Variants in MSRB3 observed in about 807,000 individuals in gnomAD.
The protein encoded by MSRB3 is methionine-R-sulfoxide reductase B3.
A neutral mutation model predicts 21.0 loss-of-function variants in MSRB3; 13 were observed. That is an observed-to-expected ratio of 0.62 (90% CI 0.40 to 0.98). MSRB3 has a LOEUF of 0.98. Among genes scored for constraint, MSRB3 ranks in the 50% least tolerant of loss-of-function variants. MSRB3 has a pLI of 0.00. For missense variants in MSRB3, 199 were observed against 230.3 expected (o/e 0.86, Z 0.88); for synonymous variants, 87 against 88.6 (o/e 0.98, Z 0.10).
chr12:65,353,930 A>G (rs892897520), intron 4 of MSRB3, among the ~76,000 whole-genome samples: 1 of 151,934 alleles, frequency 6.6e-6, no homozygotes, highest in African/African-American at 2.4e-5. Context: ...GGTGGTGACA[A>G]AATCTCTCAG....
intron 5 of MSRB3, among the ~76,000 whole-genome samples, chr12:65,398,873 C>A (rs1163234427): frequency 1.3e-5 from 2 of 152,104 alleles, no homozygotes; most frequent in Admixed American, 1.3e-4. Context: ...AGTCTGTTCC[C>A]CATTGCTTGT....
chr12:65,361,614 T>G (rs935432467), intron 4 of MSRB3, among the ~76,000 whole-genome samples: 2 of 152,184 alleles, frequency 1.3e-5, no homozygotes, highest in South Asian at 2.1e-4. Flanking sequence ...TATTAATGTT[T>G]TGTAATGAAT....
intron 1 of MSRB3, among the ~76,000 whole-genome samples, chr12:65,296,928 G>T (rs893917111): frequency 3.3e-5 from 5 of 152,162 alleles, no homozygotes; most frequent in East Asian, 1.9e-4. Context: ...TGAAAGAAAT[G>T]ATATCTAAAT....
At chr12:65,443,698 T>C (rs1882488898) in intron 5 of MSRB3, among the ~76,000 whole-genome samples, 1 of 152,018 alleles carries the variant, frequency 6.6e-6, no homozygotes, top group South Asian at 2.1e-4. Flanking sequence ...TTTATTGTGG[T>C]GAAATACACA....
chr12:65,319,274 C>G (rs778896084), intron 2 of MSRB3, among the ~76,000 whole-genome samples: 3 of 152,062 alleles, frequency 2.0e-5, no homozygotes, highest in Non-Finnish European at 2.9e-5. Flanking sequence ...AGCTGCTACT[C>G]TTACATGAAA....
At chr12:65,377,721 C>T (rs1311886438) in intron 5 of MSRB3, among the ~76,000 whole-genome samples, 1 of 152,138 alleles carries the variant, frequency 6.6e-6, no homozygotes, top group African/African-American at 2.4e-5. Context: ...TTATTCTCCC[C>T]TTTTATAGTG....
intron 5 of MSRB3, among the ~76,000 whole-genome samples, chr12:65,411,139 C>A (rs548732015): frequency 7.9e-5 from 12 of 152,144 alleles, no homozygotes; most frequent in African/African-American, 1.7e-4. Context: ...TCAGTGTATA[C>A]TTTAACTAAG....
intron 2 of MSRB3, 154 bp downstream of exon 2, chr12:65,308,809 A>G (rs973145338): frequency 1.1e-6 from 1 of 908,140 alleles, no homozygotes; most frequent in Non-Finnish European, 1.7e-6. Flanking sequence ...TCACCACTCT[A>G]CTTTGAGTAA....
rs1327114961 is a variant in MSRB3, at chr12:65,465,417, C to T, written c.*2095C>T. Reference sequence around the variant, plus strand: ...AAGTTTATGAAGACTGACAGCTTTCCTTGTAAGCACTAAGAGAAAAAAAAG... The same window carrying T: ...AAGTTTATGAAGACTGACAGCTTTCTTTGTAAGCACTAAGAGAAAAAAAAG... On this transcript the variant is annotated 3_prime_UTR_variant, in exon 7 of 7. Transcript: ENST00000308259. The T allele has an allele frequency of 2.0e-5, 3 of 152,050 alleles. No individual in the cohort carries two copies. Among genetic ancestry groups the T allele is most frequent in the Non-Finnish European group, 4.4e-5 (3 of 68,004 alleles). 9.4% of individuals were successfully genotyped at this position (152,050 alleles called of 1,614,324 possible).
At chr12:65,403,699 C>A (rs1479187353) in intron 5 of MSRB3, among the ~76,000 whole-genome samples, 1 of 152,162 alleles carries the variant, frequency 6.6e-6, no homozygotes, top group Non-Finnish European at 1.5e-5. Context: ...AAATGGCCAC[C>A]CAGTTTTGTG....
At chr12:65,436,143 G>A (rs1022285836) in intron 5 of MSRB3, among the ~76,000 whole-genome samples, 1 of 151,606 alleles carries the variant, frequency 6.6e-6, no homozygotes, top group African/African-American at 2.4e-5. Flanking sequence ...CATGAATTTC[G>A]ATGGGAAAAA....
intron 2 of MSRB3, among the ~76,000 whole-genome samples, chr12:65,324,905 C>T (rs1274623136): frequency 2.0e-5 from 3 of 152,068 alleles, no homozygotes; most frequent in Admixed American, 6.6e-5. Context: ...TATGAATGAA[C>T]GTATATTAAC....
At chr12:65,334,225 A>G (rs1875615827) in intron 4 of MSRB3, among the ~76,000 whole-genome samples, 2 of 152,210 alleles carry the variant, frequency 1.3e-5, no homozygotes, top group African/African-American at 4.8e-5. Flanking sequence ...TAATAATGCT[A>G]AAACAATAGC....
intron 6 of MSRB3, among the ~76,000 whole-genome samples, chr12:65,460,359 G>C (rs1883267873): frequency 6.6e-6 from 1 of 152,188 alleles, no homozygotes; most frequent in Non-Finnish European, 1.5e-5. Flanking sequence ...AGCCTTCAAG[G>C]CTTGTGCGCT....
At chr12:65,363,858 TG>T in intron 4 of MSRB3, among the ~76,000 whole-genome samples, 1 of 152,178 alleles carries the variant, frequency 6.6e-6, no homozygotes, top group Middle Eastern at 3.4e-3. Flanking sequence ...TGATGGCACA[TG>T]TCTGTAATCC....
intron 3 of MSRB3, among the ~76,000 whole-genome samples, chr12:65,328,195 T>C (rs866774445): frequency 6.6e-6 from 1 of 152,134 alleles, no homozygotes; most frequent in African/African-American, 2.4e-5. Flanking sequence ...TTGCACACTG[T>C]AAAGTAGCAA....
At chr12:65,448,484 T>C (rs539202687) in intron 5 of MSRB3, among the ~76,000 whole-genome samples, 10 of 152,326 alleles carry the variant, frequency 6.6e-5, no homozygotes, top group African/African-American at 9.6e-5. Flanking sequence ...GTATAAGTAC[T>C]AAATCTTAAT....
At chr12:65,396,736 G>GAA (rs1162567965) in intron 5 of MSRB3, among the ~76,000 whole-genome samples, 1 of 147,944 alleles carries the variant, frequency 6.8e-6, no homozygotes, top group African/African-American at 2.6e-5. Flanking sequence ...AAGAAAGAAA[G>GAA]AAAGAAAGAA....
intron 5 of MSRB3, among the ~76,000 whole-genome samples, chr12:65,423,118 A>G (rs1397590010): frequency 6.6e-6 from 1 of 151,846 alleles, no homozygotes; most frequent in Non-Finnish European, 1.5e-5. Flanking sequence ...GTGTGCCACC[A>G]TGCCTGACTA....
Sources: gnomAD v4.1 joint callset for allele counts (sites outside exome capture counted in the v4.1 genomes callset) on GRCh38, gnomAD v4.1.1 for gene constraint, MANE v1.5 for transcripts, NCBI Gene and HGNC (gene_info 2026-07-23, HGNC 2026-07-21) for gene names.